The following ABCB1 variants were observed in gnomAD, a reference collection of about 807,000 sequenced individuals.
ABCB1 encodes the protein ATP-dependent translocase ABCB1.
A neutral mutation model predicts 142.0 loss-of-function variants in ABCB1; 69 were observed. The observed-to-expected ratio is 0.49, with a 90% CI of 0.40 to 0.59. The LOEUF is 0.59. Ranked by LOEUF, ABCB1 falls within the 20% of genes least tolerant of loss-of-function variation. ABCB1 has a pLI of 0.00. For missense variants in ABCB1, 1,326 were observed against 1,554.7 expected (o/e 0.85, Z 2.47); for synonymous variants, 532 against 539.2 (o/e 0.99, Z 0.18).
intron 1 of ABCB1, among the ~76,000 whole-genome samples, chr7:87,673,380 A>G (rs1164058342): frequency 6.6e-6 from 1 of 152,126 alleles, no homozygotes; most frequent in East Asian, 1.9e-4. Context: ...TTGTCTCTTT[A>G]CATAATCCCA....
intron 1 of ABCB1, among the ~76,000 whole-genome samples, chr7:87,657,626 G>A (rs1409644642): frequency 1.3e-5 from 2 of 152,064 alleles, no homozygotes; most frequent in African/African-American, 2.4e-5. Flanking sequence ...ACACTGTGGA[G>A]CCTAGGCTGC....
At chr7:87,535,037 T>C (rs886659981) in intron 20 of ABCB1, among the ~76,000 whole-genome samples, 1 of 152,082 alleles carries the variant, frequency 6.6e-6, no homozygotes, top group East Asian at 1.9e-4. Flanking sequence ...CAACACATTG[T>C]TGGCTGTACA....
rs1168380327 is a variant in ABCB1 at position 87,625,970 on chromosome 7, GAATA to G, written c.-330-24896_-330-24893del. 3.0e-4 allele frequency among the ~76,000 whole-genome samples: 38 copies of G among 127,612 alleles called. No homozygotes were observed. In the South Asian group the frequency reaches 7.0e-3, roughly 23 times the overall value. 83.7% of individuals were successfully genotyped at this position (127,612 alleles called of 152,430 possible). A position where few individuals can be genotyped will look rare whatever the true frequency, so the allele number is the denominator to read the frequency against. ...TATATACGTATGGCTAGAGAGAGAG[GAATA>G]TATATATATATATGTACATATATAT... On this transcript the variant is annotated intron_variant, in intron 1 of 28. Coordinates refer to the ABCB1 transcript ENST00000265724.
At chr7:87,520,739 T>C (rs1815464376) in intron 22 of ABCB1, 37 bp downstream of exon 22, 1 of 1,555,624 alleles carries the variant, frequency 6.4e-7, no homozygotes, top group Non-Finnish European at 8.9e-7. Context: ...ATTGAAAAAT[T>C]ATTCACACTC....
chr7:87,640,484 C>A (rs1265604121), intron 1 of ABCB1, among the ~76,000 whole-genome samples: 1 of 151,948 alleles, frequency 6.6e-6, no homozygotes, highest in Non-Finnish European at 1.5e-5. Flanking sequence ...GCTAGGACTG[C>A]AGACATGCAC....
At chr7:87,677,856 A>G (rs896099006) in intron 1 of ABCB1, among the ~76,000 whole-genome samples, 3 of 152,226 alleles carry the variant, frequency 2.0e-5, no homozygotes, top group Non-Finnish European at 4.4e-5. Flanking sequence ...AGGGTTTTCA[A>G]CAGGAACCAT....
At chr7:87,602,564 G>A (rs780044216), upstream of ABCB1, among the ~76,000 whole-genome samples, 10 of 151,932 alleles carry the variant, frequency 6.6e-5, no homozygotes, top group East Asian at 1.9e-4. Context: ...TAATCTTGTT[G>A]TATTTTATGT....
At chr7:87,682,729 G>A (rs1563130272) in intron 1 of ABCB1, among the ~76,000 whole-genome samples, 2 of 152,308 alleles carry the variant, frequency 1.3e-5, no homozygotes, top group East Asian at 3.9e-4. Context: ...ATAGAGCTCA[G>A]GCAGAGTAGA....
chr7:87,545,715 T>A (rs1816750472), intron 15 of ABCB1, 148 bp downstream of exon 15: 1 of 797,654 alleles, frequency 1.3e-6, no homozygotes, highest in East Asian at 2.7e-5. Context: ...AGAAAAAAAA[T>A]CTTAAACACT....
chr7:87,509,940 T>C (rs1442223312), intron 25 of ABCB1, among the ~76,000 whole-genome samples: 1 of 152,146 alleles, frequency 6.6e-6, no homozygotes, highest in African/African-American at 2.4e-5. Context: ...AAATGCAGTG[T>C]GAGAAAGACT....
intron 2 of ABCB1, among the ~76,000 whole-genome samples, chr7:87,597,794 C>T (rs1475887349): frequency 6.6e-6 from 1 of 152,118 alleles, no homozygotes; most frequent in Non-Finnish European, 1.5e-5. Context: ...AAAGTGATTA[C>T]AATTCTGATA....
upstream of ABCB1, chr7:87,601,023 A>G (rs1819435227): frequency 6.6e-6 from 1 of 152,202 alleles, no homozygotes; most frequent in Admixed American, 6.5e-5. Context: ...TTCCTCGAGA[A>G]ACTGCGAAAC....
intron 25 of ABCB1, among the ~76,000 whole-genome samples, chr7:87,514,926 T>C (rs746804884): frequency 1.8e-4 from 27 of 152,178 alleles, no homozygotes; most frequent in Non-Finnish European, 4.4e-5. Flanking sequence ...GTCCTGTATC[T>C]TTCTGGCTAC....
Position 87,532,676 on chromosome 7 carries a change from T to A in ABCB1, c.2482-1179A>T, listed in dbSNP as rs1297890037. On this transcript the variant is annotated intron_variant, in intron 20 of 27. Transcript: ENST00000622132. The stretch of plus-strand genomic sequence containing the variant: ...TGAATAATCCACCCCTTGTTTAGCA[T>A]GTAATCAAGAAGTAACAATAAGTAT... Among the ~76,000 whole-genome samples the A allele has an allele frequency of 2.6e-5, 4 of 152,188 alleles. No individual in the cohort carries two copies. In the South Asian group the frequency reaches 8.3e-4, roughly 31 times the overall value.
intron 5 of ABCB1, among the ~76,000 whole-genome samples, chr7:87,567,811 C>T (rs891302727): frequency 6.6e-6 from 1 of 151,978 alleles, no homozygotes; most frequent in Admixed American, 6.6e-5. Context: ...AAAAAGCAAA[C>T]AGGCCAGGCG....
intron 1 of ABCB1, among the ~76,000 whole-genome samples, chr7:87,690,063 C>T (rs1292421843): frequency 2.0e-5 from 3 of 151,932 alleles, no homozygotes; most frequent in East Asian, 3.9e-4. Flanking sequence ...CCGCTGAGCT[C>T]AAATGATCCT....
chr7:87,539,447 A>G, intron 18 of ABCB1, 102 bp from the exon 19 acceptor site: 1 of 1,180,280 alleles, frequency 8.5e-7, no homozygotes, highest in Non-Finnish European at 1.2e-6. Context: ...CAAAGTCAGA[A>G]AGCCTGATTT....
At chr7:87,516,406 T>G in intron 24 of ABCB1, 103 bp downstream of exon 24, 1 of 1,459,886 alleles carries the variant, frequency 6.8e-7, no homozygotes, top group South Asian at 1.2e-5. Context: ...AGTTTTATTT[T>G]ATCATCAGCA....
chr7:87,654,596 G>C (rs1191886645), intron 1 of ABCB1, among the ~76,000 whole-genome samples: 1 of 151,880 alleles, frequency 6.6e-6, no homozygotes, highest in East Asian at 1.9e-4. Flanking sequence ...TTAAATGTAA[G>C]ATCTATCTAC....
Sources: allele counts gnomAD v4.1 joint callset (sites outside exome capture counted in the v4.1 genomes callset), GRCh38; gene constraint gnomAD v4.1.1; transcripts MANE v1.5; gene names NCBI Gene and HGNC (gene_info 2026-07-23, HGNC 2026-07-21).